Variants in EXOSC10 observed in about 807,000 individuals in gnomAD.
The protein encoded by EXOSC10 is exosome component 10.
In EXOSC10, 94 loss-of-function variants were observed where a neutral mutation model predicts 126.6. That is an observed-to-expected ratio of 0.74 (90% CI 0.63 to 0.88). EXOSC10 has a LOEUF of 0.88. Ranked by LOEUF, EXOSC10 falls within the 40% of genes least tolerant of loss-of-function variation. The pLI, the probability that EXOSC10 is intolerant of heterozygous loss-of-function variation, is 0.00. For missense variants in EXOSC10, 1,041 were observed against 1,100.5 expected (o/e 0.95, Z 0.77); for synonymous variants, 395 against 400.8 (o/e 0.99, Z 0.17).
chr1:11,074,784 T>C (rs1433244925), intron 17 of EXOSC10, among the ~76,000 whole-genome samples: 2 of 152,190 alleles, frequency 1.3e-5, no homozygotes, highest in African/African-American at 2.4e-5. Flanking sequence ...TATAAGGTGT[T>C]GTGTCTGCAA....
intron 3 of EXOSC10, among the ~76,000 whole-genome samples, chr1:11,094,571 G>A (rs1640967956): frequency 6.7e-6 from 1 of 150,354 alleles, no homozygotes; most frequent in African/African-American, 2.5e-5. Flanking sequence ...AAAGTGCTGG[G>A]ATTATAGGCG....
At chr1:11,096,471 C>CT (rs70977546) in intron 2 of EXOSC10, among the ~76,000 whole-genome samples, 1,430 of 118,788 alleles carry the variant, frequency 0.012, 40 homozygotes, top group African/African-American at 0.039. Flanking sequence ...TTCTTTCTTT[C>CT]TTTTTTTTTT....
At chr1:11,067,344 A>C (rs1240943747) in intron 24 of EXOSC10, among the ~76,000 whole-genome samples, 2 of 151,792 alleles carry the variant, frequency 1.3e-5, no homozygotes, top group Non-Finnish European at 2.9e-5. Flanking sequence ...AGGCAGGAGA[A>C]TGGCGTGAAC....
intron 22 of EXOSC10, 86 bp downstream of exon 22, chr1:11,069,460 GTGCAGGACTCACT>G (rs1639324728): frequency 3.0e-6 from 4 of 1,332,492 alleles, no homozygotes; most frequent in Non-Finnish European, 4.1e-6. Context: ...ACCATGCCTT[GTGCAGGACTCACT>G]TGGCCCCTAT....
rs1289099407 is a variant in EXOSC10 at position 11,079,751 on chromosome 1, T to G, written c.1709A>C (p.His570Pro). 6.2e-7 allele frequency: 1 copy of G among 1,613,940 alleles called. No individual in the cohort carries two copies. Among genetic ancestry groups the G allele is most frequent in the East Asian group, 2.2e-5 (1 of 44,860 alleles). The change falls in exon 14 of 25, where the codon CAC becomes CCC. Residue 570 changes from histidine (H) to proline (P), a missense_variant. His to Pro is a moderately conservative substitution (Grantham distance 77, BLOSUM62 -2). Coordinates refer to ENST00000376936, the MANE Select transcript of EXOSC10 (RefSeq NM_001001998.3). Reference protein sequence around the residue: ...PLVRQQINEMHLLIQQAREMP... With the variant: ...PLVRQQINEMPLLIQQAREMP... ...CTCTCGGGCCTGCTGGATTAAAAGG[T>G]GCATTTCGTTGATCTGCTGCCGCAC... is the stretch of plus-strand genomic sequence containing the variant.
chr1:11,067,384 A>G (rs1032091026), intron 24 of EXOSC10, among the ~76,000 whole-genome samples: 10 of 151,512 alleles, frequency 6.6e-5, no homozygotes, highest in Non-Finnish European at 8.8e-5. Flanking sequence ...GTGAGCAGAG[A>G]TCGTGCCACT....
At position 11,091,521 on chromosome 1, in the gene EXOSC10, T is replaced by C. The variant is rs746023866; in HGVS notation, c.449A>G (p.Lys150Arg). 1 of 1,614,174 alleles carries C rather than the reference T, an allele frequency of 6.2e-7. No homozygotes were observed. Among genetic ancestry groups the C allele is most frequent in the South Asian group, 1.1e-5 (1 of 91,078 alleles). ...ACGGTTCCAGCTGGACACTACCGTT[T>C]TGGGGACCTGCAAGCCGGCAGGGAG... ...PVLPAGLQVP[K>R]TVVSSWNRKA... Residue 150 changes from lysine to arginine, a missense_variant, in exon 4 of 25, where the codon AAA (lysine) becomes AGA (arginine). Transcript: ENST00000376936.
At chr1:11,090,820 CA>C in intron 5 of EXOSC10, 152 bp from the exon 6 acceptor site, 1 of 823,984 alleles carries the variant, frequency 1.2e-6, no homozygotes, top group Non-Finnish European at 1.9e-6. Flanking sequence ...GGCACAAGCA[CA>C]GCTCACTGTA....
intron 1 of EXOSC10, 188 bp downstream of exon 1, chr1:11,099,533 C>T (rs1641312176): frequency 3.6e-6 from 2 of 555,250 alleles, no homozygotes; most frequent in South Asian, 5.9e-5. Context: ...GCGGGACGCC[C>T]CTCAGTGTCC....
rs1290830340 is a variant in EXOSC10, at chr1:11,079,827, A to C, written c.1638-5T>G. ...GCTATGATGCCCTGAGGTTCCCTGA[A>C]GACAAGTAAGAACACACTCAACTTG... On this transcript the variant is annotated splice_polypyrimidine_tract_variant and splice_region_variant and intron_variant, in intron 13 of 24. Coordinates refer to ENST00000376936, the MANE Select transcript of EXOSC10 (RefSeq NM_001001998.3). The C allele has an allele frequency of 2.5e-6, 4 of 1,606,010 alleles. No individual in the cohort carries two copies. The highest frequency in any genetic ancestry group is 3.4e-6 in the Non-Finnish European group (4 of 1,175,384).
Position 11,077,455 on chromosome 1 carries a change from GA to G in EXOSC10, c.1801-13del. 1 of 1,612,016 alleles carries G rather than the reference GA, an allele frequency of 6.2e-7. No individual in the cohort carries two copies. The highest frequency in any genetic ancestry group is 1.1e-5 in the South Asian group (1 of 91,034). ...ACATTCTCCAATCTCTGCATTAAAA[GA>G]CACCAGCAGGCTGGCATGTAAAACG... On this transcript the variant is annotated splice_polypyrimidine_tract_variant and intron_variant, in intron 15 of 24. Transcript: ENST00000376936.
chr1:11,087,680 TAA>T, intron 8 of EXOSC10, 89 bp from the exon 9 acceptor site: 2 of 1,537,350 alleles, frequency 1.3e-6, no homozygotes, highest in Non-Finnish European at 1.8e-6. Flanking sequence ...GCTACAAAGC[TAA>T]GTTATATGAT....
rs199670680 is a variant in EXOSC10, at chr1:11,076,883, T to A, written c.1945A>T (p.Thr649Ser). 6.8e-5 allele frequency: 109 copies of A among 1,613,922 alleles called. No homozygotes were observed. The East Asian group carries it at 7.1e-4, about 11-fold the overall frequency. The change falls in exon 17 of 25, where the codon ACC (threonine) becomes TCC (serine). Residue 649 changes from threonine (T) to serine (S), a missense_variant. Thr to Ser is a moderately conservative substitution (Grantham distance 58). Transcript: ENST00000376936. ...PDEKEDNLLG[T>S]TCLIATAVIT... ...ACAGCTGTGGCAATCAGGCATGTGGTACCCAGCAAGTTATCTTCTTTTTCA... is the reference window on the plus strand; with the variant it reads ...ACAGCTGTGGCAATCAGGCATGTGGAACCCAGCAAGTTATCTTCTTTTTCA...
chr1:11,073,558 C>A (rs987019606), intron 19 of EXOSC10, among the ~76,000 whole-genome samples: 5 of 152,038 alleles, frequency 3.3e-5, no homozygotes, highest in African/African-American at 1.2e-4. Flanking sequence ...AAAACAGAAA[C>A]CTGGTATGAA....
intron 9 of EXOSC10, among the ~76,000 whole-genome samples, chr1:11,083,562 C>CAAAAAAAAAAAAAAAAAAAA (rs35412224): frequency 1.1e-3 from 75 of 65,852 alleles, no homozygotes; most frequent in African/African-American, 2.2e-3. Flanking sequence ...AACTCCGTCT[C>CAAAAAAAAAAAAAAAAAAAA]AAAAAAAAAA....
Position 11,088,136 on chromosome 1 carries a change from T to A in EXOSC10, c.821A>T (p.Lys274Met). The change falls in exon 7 of 25, where the codon AAG becomes ATG. Residue 274 changes from lysine to methionine, a missense_variant. Physicochemically the swap from Lys to Met is moderately conservative, Grantham distance 95. Around this residue, in one of 3 missense-constraint regions of EXOSC10, gnomAD observed 645 missense variants for 656.3 expected, o/e 0.98. Coordinates refer to ENST00000376936, the MANE Select transcript of EXOSC10 (RefSeq NM_001001998.3). ...CTGGGTACTAACCTGGGGTTGTGGC[T>A]TTTGAAGCACTGCATCTGCTGGGGT... ...HFTPADAVLQ[K>M]PQPQLYRPIE... The A allele has an allele frequency of 6.2e-7, 1 of 1,613,624 alleles. No individual in the cohort carries two copies. Among genetic ancestry groups the A allele is most frequent in the South Asian group, 1.1e-5 (1 of 91,006 alleles).
chr1:11,074,203 T>C (rs371654715), intron 18 of EXOSC10, 28 bp downstream of exon 18: 32 of 1,559,938 alleles, frequency 2.1e-5, no homozygotes, highest in Non-Finnish European at 2.8e-5. Context: ...CTGCATATCC[T>C]GTCAGCCCTG....
At chr1:11,079,864 C>T (rs759673631) in intron 13 of EXOSC10, 42 bp from the exon 14 acceptor site, 25 of 1,503,432 alleles carry the variant, frequency 1.7e-5, no homozygotes, top group Middle Eastern at 1.7e-4. Context: ...CACTCAGAAA[C>T]GCAGCCCTTA....
At chr1:11,091,466 G>A in intron 4 of EXOSC10, 27 bp downstream of exon 4, 2 of 1,575,592 alleles carry the variant, frequency 1.3e-6, no homozygotes, top group South Asian at 1.1e-5. Flanking sequence ...GACATCAAGA[G>A]CTCTAGTTAA....
Sources: gnomAD v4.1 joint callset for allele counts (sites outside exome capture counted in the v4.1 genomes callset) on GRCh38, gnomAD v4.1.1 for gene constraint, gnomAD v4.1.1 regional missense constraint, MANE v1.5 for transcripts, NCBI Gene and HGNC (gene_info 2026-07-23, HGNC 2026-07-21) for gene names.